POU3F2: variants seen among roughly 807,000 people sequenced by gnomAD.
The protein encoded by POU3F2 is POU class 3 homeobox 2.
In POU3F2, 11 loss-of-function variants were observed where a neutral mutation model predicts 33.1. The ratio of observed to expected loss-of-function variants is 0.33; its 90% confidence interval spans 0.21 to 0.55. The LOEUF (loss-of-function observed/expected upper bound fraction) is 0.55, where lower values mean the gene tolerates loss of function less well. POU3F2 is among the 20% of genes least tolerant of loss of function. POU3F2 has a pLI of 0.91. For synonymous variants in POU3F2, 332 were observed against 289.6 expected, an observed-to-expected ratio of 1.15 and a Z score of -1.49; for missense variants, 456 against 620.2, an observed-to-expected ratio of 0.74 and a Z score of 2.81.
In POU3F2 at chr6:98,835,875, G is replaced by C. The variant is rs1233992976; in HGVS notation, c.1002G>C (p.Glu334Asp). 2 of 1,614,228 alleles carry C rather than the reference G, an allele frequency of 1.2e-6. No individual in the cohort carries two copies. Among genetic ancestry groups the C allele is most frequent in the Non-Finnish European group, 8.5e-7 (1 of 1,180,044 alleles). The change falls in exon 1 of 1, where the codon GAG becomes GAC. Residue 334 changes from glutamate to aspartate, a missense_variant. This residue lies in a region of POU3F2 where 48 missense variants were observed against 96.0 expected (regional missense o/e 0.50). Coordinates refer to ENST00000328345, the MANE Select transcript of POU3F2 (RefSeq NM_005604.4). This position sits in a 1 kb window ranked among gnomAD's most constrained non-coding sequence, Gnocchi z 9.7. ...LKPLLNKWLE[E>D]ADSSSGSPTS... ...CTTTGTTGAACAAGTGGTTGGAGGA[G>C]GCGGACTCGTCCTCGGGCAGCCCCA...
rs561021011 is a variant in POU3F2, at chr6:98,835,126, G to A, written c.253G>A (p.Gly85Arg). 2.2e-4 allele frequency: 264 copies of A among 1,218,650 alleles called. No homozygotes were observed. Among genetic ancestry groups the A allele is most frequent in the South Asian group, 3.6e-4 (9 of 25,134 alleles). 75.5% of individuals were successfully genotyped at this position (1,218,650 alleles called of 1,614,324 possible). The part of the protein sequence containing the change: ...GGGGGGGGGG[G>R]GGGDGSPWST... ...CGGCGGGGGGGGCGGGGGCGGCGGC[G>A]GGGGCGGCGGCGACGGCTCCCCGTG... The change falls in exon 1 of 1, where the codon GGG (glycine) becomes AGG (arginine). Residue 85 changes from glycine to arginine, a missense_variant. Coordinates refer to ENST00000328345, the MANE Select transcript of POU3F2 (RefSeq NM_005604.4). The surrounding 1 kb of genome is among the most constrained non-coding windows in gnomAD (Gnocchi z 9.7).
At position 98,834,587 on chromosome 6, in the gene POU3F2, G is replaced by C. The variant is rs1769962217; in HGVS notation, c.-287G>C. 4.3e-6 allele frequency: 2 copies of C among 462,134 alleles called. No homozygotes were observed. The highest frequency in any genetic ancestry group is 8.6e-5 in the East Asian group (2 of 23,158). The allele number at this position is 462,134 out of a possible 1,614,324, so 28.6% of individuals were successfully genotyped here. On this transcript the variant is annotated 5_prime_UTR_variant, in exon 1 of 1. Transcript: ENST00000328345. The stretch of plus-strand genomic sequence containing the variant: ...CAAGAGAGCGGGAGAGAGCTGGAGA[G>C]AGCAGGGAGAGGGGGGAGCGCCGAG...
chr6:98,837,962 A>G lies in POU3F2; in HGVS notation c.*1757A>G, dbSNP rs558925724. 6.0e-6 allele frequency: 1 copy of G among 166,872 alleles called. No homozygotes were observed. The highest frequency in any genetic ancestry group is 2.4e-5 in the African/African-American group (1 of 41,578). 10.3% of individuals were successfully genotyped at this position (166,872 alleles called of 1,614,324 possible). On this transcript the variant is annotated 3_prime_UTR_variant, in exon 1 of 1. Coordinates refer to ENST00000328345, the MANE Select transcript of POU3F2 (RefSeq NM_005604.4). The stretch of plus-strand genomic sequence containing the variant: ...GGGTTTTTTTCCAGTTAGGTATTAG[A>G]TAAATTTTTATTTTAAAAAATGAAA...
Position 98,838,756 on chromosome 6 carries a change from AT to A in POU3F2, c.*2555del. The A allele has an allele frequency of 6.2e-6, 1 of 162,536 alleles. No homozygotes were observed. The allele number at this position is 162,536 out of a possible 1,614,324, so 10.1% of individuals were successfully genotyped here. A position where few individuals can be genotyped will look rare whatever the true frequency, so the allele number is the denominator to read the frequency against. On this transcript the variant is annotated 3_prime_UTR_variant, in exon 1 of 1. Coordinates refer to ENST00000328345, the MANE Select transcript of POU3F2 (RefSeq NM_005604.4). ...CCTTATATATTTATGTTAAAGTAAT[AT>A]TTTATTATCTACATAAAACAGAAAT... is the stretch of plus-strand genomic sequence containing the variant.
Position 98,835,068 on chromosome 6 carries a change from G to A in POU3F2, c.195G>A (p.Leu65=). 1 of 1,261,908 alleles carries A rather than the reference G, an allele frequency of 7.9e-7. No homozygotes were observed. The highest frequency in any genetic ancestry group is 9.9e-7 in the Non-Finnish European group (1 of 1,005,482). The allele number at this position is 1,261,908 out of a possible 1,614,324, so 78.2% of individuals were successfully genotyped here. A position where few individuals can be genotyped will look rare whatever the true frequency, so the allele number is the denominator to read the frequency against. The change falls in exon 1 of 1, where the codon CTG becomes CTA. Residue 65 remains leucine, a synonymous_variant. Transcript: ENST00000328345. This position sits in a 1 kb window ranked among gnomAD's most constrained non-coding sequence, Gnocchi z 9.7. ...LSHAHQWITA[L]SHGGGGGGGG... ...ACGCTCACCAGTGGATCACCGCGCTGTCCCACGGCGGCGGCGGCGGGGGCG... is the reference window on the plus strand; with the variant it reads ...ACGCTCACCAGTGGATCACCGCGCTATCCCACGGCGGCGGCGGCGGGGGCG...
chr6:98,835,366 C>T lies in POU3F2; in HGVS notation c.493C>T (p.Pro165Ser). The T allele has an allele frequency of 6.4e-7, 1 of 1,559,630 alleles. No homozygotes were observed. The highest frequency in any genetic ancestry group is 8.7e-7 in the Non-Finnish European group (1 of 1,153,950). Reference protein sequence around the residue: ...VHHAANHHPGPGAWRSAAAAA... With the variant: ...VHHAANHHPGSGAWRSAAAAA... ...CCACGCCGCTAACCACCACCCGGGA[C>T]CCGGGGCATGGCGGAGCGCGGCGGC... Residue 165 changes from proline (P) to serine (S), a missense_variant, in exon 1 of 1, where the codon CCC becomes TCC. Physicochemically the swap from Pro to Ser is moderately conservative, Grantham distance 74 (BLOSUM62 -1). This residue lies in a region of POU3F2 where 341 missense variants were observed against 382.4 expected (regional missense o/e 0.89). Coordinates refer to ENST00000328345, the MANE Select transcript of POU3F2 (RefSeq NM_005604.4). The surrounding 1 kb of genome is among the most constrained non-coding windows in gnomAD (Gnocchi z 9.7).
chr6:98,839,021 G>A lies in POU3F2; in HGVS notation c.*2816G>A, dbSNP rs1770037158. On this transcript the variant is annotated 3_prime_UTR_variant, in exon 1 of 1. Coordinates refer to ENST00000328345, the MANE Select transcript of POU3F2 (RefSeq NM_005604.4). ...TTTTTTTTTTTAATGGAGACTACTGGTCTAATTCACTTTACTTTGCAAAAA... is the reference window on the plus strand; with the variant it reads ...TTTTTTTTTTTAATGGAGACTACTGATCTAATTCACTTTACTTTGCAAAAA... The A allele has an allele frequency of 1.3e-5, 2 of 150,918 alleles. No homozygotes were observed. The highest frequency in any genetic ancestry group is 1.3e-4 in the Admixed American group (2 of 15,174). 9.3% of individuals were successfully genotyped at this position (150,918 alleles called of 1,614,324 possible). A position where few individuals can be genotyped will look rare whatever the true frequency, so the allele number is the denominator to read the frequency against.
chr6:98,839,179 T>C lies in POU3F2; in HGVS notation c.*2974T>C, dbSNP rs2128368357. 1 of 152,336 alleles carries C rather than the reference T, an allele frequency of 6.6e-6. No homozygotes were observed. The highest frequency in any genetic ancestry group is 2.4e-5 in the African/African-American group (1 of 41,580). The allele number at this position is 152,336 out of a possible 1,614,324, so 9.4% of individuals were successfully genotyped here. On this transcript the variant is annotated 3_prime_UTR_variant, in exon 1 of 1. Transcript: ENST00000328345. ...TTTGTCCCCTTTAAACATATGCAGA[T>C]ATGCCTGCATCTTCTTTCCAGGTTA...
Position 98,834,835 on chromosome 6 carries a change from G to A in POU3F2, c.-39G>A. The stretch of plus-strand genomic sequence containing the variant: ...CGAAAAAGTAACTGTCAAATGCGCG[G>A]CTCCTTTAACCGGAGCGCTCAGTCC... On this transcript the variant is annotated 5_prime_UTR_variant, in exon 1 of 1. Coordinates refer to ENST00000328345, the MANE Select transcript of POU3F2 (RefSeq NM_005604.4). 1 of 1,578,222 alleles carries A rather than the reference G, an allele frequency of 6.3e-7. No individual in the cohort carries two copies. The highest frequency in any genetic ancestry group is 8.6e-7 in the Non-Finnish European group (1 of 1,168,810).
rs1444765350 is a variant in POU3F2, at chr6:98,836,875, A to G, written c.*670A>G. The G allele has an allele frequency of 6.0e-6, 1 of 166,700 alleles. No individual in the cohort carries two copies. Among genetic ancestry groups the G allele is most frequent in the African/African-American group, 2.4e-5 (1 of 41,296 alleles). 10.3% of individuals were successfully genotyped at this position (166,700 alleles called of 1,614,324 possible). ...AGAGAGTTGAAGCCAGCTCTTGGCC[A>G]CTCTCCATTTCTAATGTTCTTGTGT... On this transcript the variant is annotated 3_prime_UTR_variant, in exon 1 of 1. Coordinates refer to ENST00000328345, the MANE Select transcript of POU3F2 (RefSeq NM_005604.4).
Position 98,835,231 on chromosome 6 carries a change from G to C in POU3F2, c.358G>C (p.Gly120Arg). Residue 120 changes from glycine to arginine, a missense_variant, in exon 1 of 1, where the codon GGG (glycine) becomes CGG (arginine). Gly to Arg is a moderately radical substitution (Grantham distance 125). Transcript: ENST00000328345. This position sits in a 1 kb window ranked among gnomAD's most constrained non-coding sequence, Gnocchi z 9.7. ...GGGCGGCCGCGGAGACGAGCTGCACGGGCCAGGCGCCCTGCAGCAGCAGCA... is the reference window on the plus strand; with the variant it reads ...GGGCGGCCGCGGAGACGAGCTGCACCGGCCAGGCGCCCTGCAGCAGCAGCA... Reference protein sequence around the residue: ...QQGGRGDELHGPGALQQQHQQ... With the variant: ...QQGGRGDELHRPGALQQQHQQ... The C allele has an allele frequency of 2.0e-6, 3 of 1,531,740 alleles. No homozygotes were observed. The highest frequency in any genetic ancestry group is 2.4e-5 in the South Asian group (2 of 82,584). The allele number at this position is 1,531,740 out of a possible 1,614,324, so 94.9% of individuals were successfully genotyped here.
rs754868893 is a variant in POU3F2 at position 98,835,272 on chromosome 6, G to A, written c.399G>A (p.Gln133=). 2 of 1,545,600 alleles carry A rather than the reference G, an allele frequency of 1.3e-6. No individual in the cohort carries two copies. Among genetic ancestry groups the A allele is most frequent in the South Asian group, 2.4e-5 (2 of 83,630 alleles). The part of the protein sequence containing the change: ...ALQQQHQQQQ[Q]QQQQQQQQQQ... ...AGCAGCAGCATCAGCAGCAGCAACA[G>A]CAACAGCAGCAGCAACAGCAGCAAC... Residue 133 remains glutamine (Q), a synonymous_variant, in exon 1 of 1, where the codon CAG becomes CAA. Transcript: ENST00000328345. This position sits in a 1 kb window ranked among gnomAD's most constrained non-coding sequence, Gnocchi z 9.7.
At position 98,835,980 on chromosome 6, in the gene POU3F2, G is replaced by A. The variant is rs1203774770; in HGVS notation, c.1107G>A (p.Leu369=). ...TSIEVSVKGA[L]ESHFLKCPKP... is the part of the protein sequence containing the mutation. ...TCGAGGTGAGCGTCAAGGGGGCTCT[G>A]GAGAGCCATTTCCTCAAATGCCCCA... The change falls in exon 1 of 1, where the codon CTG becomes CTA. Residue 369 remains leucine (L), a synonymous_variant. Coordinates refer to ENST00000328345, the MANE Select transcript of POU3F2 (RefSeq NM_005604.4). The surrounding 1 kb of genome is among the most constrained non-coding windows in gnomAD (Gnocchi z 9.7). 1 of 1,613,850 alleles carries A rather than the reference G, an allele frequency of 6.2e-7. No individual in the cohort carries two copies. Among genetic ancestry groups the A allele is most frequent in the Non-Finnish European group, 8.5e-7 (1 of 1,179,944 alleles).
rs1462752207 is a variant in POU3F2, at chr6:98,838,788, A to G, written c.*2583A>G. ...TATCTACATAAAACAGAAATGCACA[A>G]TACCTTCATAGTTTGTTCTAATTAT... On this transcript the variant is annotated 3_prime_UTR_variant, in exon 1 of 1. Coordinates refer to ENST00000328345, the MANE Select transcript of POU3F2 (RefSeq NM_005604.4). 1 of 160,124 alleles carries G rather than the reference A, an allele frequency of 6.2e-6. No individual in the cohort carries two copies. Among genetic ancestry groups the G allele is most frequent in the Non-Finnish European group, 1.5e-5 (1 of 68,078 alleles). The allele number at this position is 160,124 out of a possible 1,614,324, so 9.9% of individuals were successfully genotyped here.
rs1028692551 is a variant in POU3F2, at chr6:98,836,989, C to G, written c.*784C>G. On this transcript the variant is annotated 3_prime_UTR_variant, in exon 1 of 1. Transcript: ENST00000328345. Reference sequence around the variant, plus strand: ...CATCTATTTGTTCCTCTTACCAAAGCAAAAGGATTGGCTTCATACAAAATA... The same window carrying G: ...CATCTATTTGTTCCTCTTACCAAAGGAAAAGGATTGGCTTCATACAAAATA... 2 of 167,066 alleles carry G rather than the reference C, an allele frequency of 1.2e-5. No homozygotes were observed. The highest frequency in any genetic ancestry group is 2.9e-5 in the Non-Finnish European group (2 of 68,110). 10.3% of individuals were successfully genotyped at this position (167,066 alleles called of 1,614,324 possible).
In POU3F2 at chr6:98,836,034, C is replaced by G. The variant is rs1452881675; in HGVS notation, c.1161C>G (p.Leu387=). ...PKPSAQEITS[L]ADSLQLEKEV... ...CCTCGGCCCAGGAGATCACCTCCCT[C>G]GCGGACAGCTTACAGCTGGAGAAGG... The change falls in exon 1 of 1, where the codon CTC becomes CTG. Residue 387 remains leucine (L), a synonymous_variant. Coordinates refer to ENST00000328345, the MANE Select transcript of POU3F2 (RefSeq NM_005604.4). The G allele has an allele frequency of 1.9e-6, 3 of 1,609,864 alleles. No individual in the cohort carries two copies. The highest frequency in any genetic ancestry group is 1.3e-5 in the African/African-American group (1 of 74,446).
chr6:98,835,287 A>ACAGCAACAG lies in POU3F2; in HGVS notation c.419_420insACAGCAGCA (p.Gln147_Gln149dup). The ACAGCAACAG allele has an allele frequency of 6.5e-7, 1 of 1,545,266 alleles. No individual in the cohort carries two copies. The highest frequency in any genetic ancestry group is 8.7e-7 in the Non-Finnish European group (1 of 1,144,898). On this transcript the variant is annotated inframe_insertion, in exon 1 of 1. Transcript: ENST00000328345. The surrounding 1 kb of genome is among the most constrained non-coding windows in gnomAD (Gnocchi z 9.7). Reference sequence around the variant, plus strand: ...AGCAGCAACAGCAACAGCAGCAGCAACAGCAGCAACAGCAGCAGCAGCAGC... The same window carrying ACAGCAACAG: ...AGCAGCAACAGCAACAGCAGCAGCAACAGCAACAGCAGCAGCAACAGCAGCAGCAGCAGC...
In POU3F2 at chr6:98,835,168, G is replaced by A; in HGVS notation, c.295G>A (p.Gly99Ser). 2.0e-6 allele frequency: 3 copies of A among 1,476,258 alleles called. No homozygotes were observed. The highest frequency in any genetic ancestry group is 2.7e-6 in the Non-Finnish European group (3 of 1,118,248). The allele number at this position is 1,476,258 out of a possible 1,614,324, so 91.4% of individuals were successfully genotyped here. A position where few individuals can be genotyped will look rare whatever the true frequency, so the allele number is the denominator to read the frequency against. Residue 99 changes from glycine to serine, a missense_variant, in exon 1 of 1, where the codon GGC becomes AGC. Around this residue, in one of 6 missense-constraint regions of POU3F2, gnomAD observed 341 missense variants for 382.4 expected, o/e 0.89. Coordinates refer to ENST00000328345, the MANE Select transcript of POU3F2 (RefSeq NM_005604.4). The surrounding 1 kb of genome is among the most constrained non-coding windows in gnomAD (Gnocchi z 9.7). ...DGSPWSTSPL[G>S]QPDIKPSVVV... ...CTCCCCGTGGTCCACCAGCCCCCTGGGCCAGCCGGACATCAAGCCCTCGGT... is the reference window on the plus strand; with the variant it reads ...CTCCCCGTGGTCCACCAGCCCCCTGAGCCAGCCGGACATCAAGCCCTCGGT...
chr6:98,836,280 T>C lies in POU3F2; in HGVS notation c.*75T>C, dbSNP rs542247520. The C allele has an allele frequency of 4.9e-6, 7 of 1,438,326 alleles. No individual in the cohort carries two copies. Among genetic ancestry groups the C allele is most frequent in the South Asian group, 2.9e-5 (2 of 69,876 alleles). The allele number at this position is 1,438,326 out of a possible 1,614,324, so 89.1% of individuals were successfully genotyped here. A position where few individuals can be genotyped will look rare whatever the true frequency, so the allele number is the denominator to read the frequency against. On this transcript the variant is annotated 3_prime_UTR_variant, in exon 1 of 1. Coordinates refer to ENST00000328345, the MANE Select transcript of POU3F2 (RefSeq NM_005604.4). ...CCTTGGCCCTTTCCCGGCCCTCTTG[T>C]TCCCTCTCTAACTTCTGATTGTTCT...
Sources: allele counts gnomAD v4.1 joint callset, GRCh38; gene constraint gnomAD v4.1.1; regional missense constraint gnomAD v4.1.1; non-coding constraint Gnocchi (gnomAD v3.1); transcripts MANE v1.5; gene names NCBI Gene and HGNC (gene_info 2026-07-23, HGNC 2026-07-21).